Variants in KCNQ3 observed in about 807,000 individuals in gnomAD.
KCNQ3 encodes potassium voltage-gated channel subfamily Q member 3, also known as potassium voltage-gated channel subfamily KQT member 3.
KCNQ3 carries 30 observed loss-of-function variants against 92.5 expected under a neutral mutation model. The ratio of observed to expected loss-of-function variants is 0.32; its 90% confidence interval spans 0.24 to 0.44. The LOEUF (loss-of-function observed/expected upper bound fraction) is 0.44, where lower values mean the gene tolerates loss of function less well. KCNQ3 is among the 20% of genes least tolerant of loss of function. KCNQ3 has a pLI of 1.00. For synonymous variants in KCNQ3, 450 were observed against 468.8 expected, an observed-to-expected ratio of 0.96 and a Z score of 0.52; for missense variants, 913 against 1,140.3, an observed-to-expected ratio of 0.80 and a Z score of 2.87.
In KCNQ3 at chr8:132,182,236, C is replaced by T. The variant is rs76105121; in HGVS notation, c.605-1907G>A. Among the ~76,000 whole-genome samples the T allele has an allele frequency of 3.1e-3, 474 of 152,272 alleles. 12 individuals carry two copies. The East Asian group carries it at 0.044, about 14-fold the overall frequency. ...TGTGCAAACCTATCTATCTGTAATGCTTGCAGAGAAAACAAAAGAACACCA... is the reference window on the plus strand; with the variant it reads ...TGTGCAAACCTATCTATCTGTAATGTTTGCAGAGAAAACAAAAGAACACCA... On this transcript the variant is annotated intron_variant, in intron 3 of 14. Transcript: ENST00000388996.
intron 13 of KCNQ3, among the ~76,000 whole-genome samples, chr8:132,132,731 T>G: frequency 6.6e-6 from 1 of 152,198 alleles, no homozygotes; most frequent in East Asian, 1.9e-4. Flanking sequence ...TTAATAAGAA[T>G]GAAGAATCCC....
intron 8 of KCNQ3, among the ~76,000 whole-genome samples, 198 bp downstream of exon 8, chr8:132,170,136 G>A (rs572000003): frequency 7.2e-5 from 11 of 152,278 alleles, no homozygotes; most frequent in African/African-American, 2.6e-4. Context: ...GCCTCCCAAA[G>A]TGCTGGGATT....
chr8:132,348,372 G>A (rs1195996792), intron 1 of KCNQ3, among the ~76,000 whole-genome samples: 3 of 152,098 alleles, frequency 2.0e-5, no homozygotes, highest in Non-Finnish European at 4.4e-5. Context: ...TTTTTCATGG[G>A]TGAAATAAAT....
chr8:132,406,816 T>A (rs1820496229), intron 1 of KCNQ3, among the ~76,000 whole-genome samples: 1 of 152,178 alleles, frequency 6.6e-6, no homozygotes. Context: ...TTTTAGGTAT[T>A]AGGCCAAGGG....
At chr8:132,234,507 G>A (rs556953485) in intron 1 of KCNQ3, among the ~76,000 whole-genome samples, 38 of 151,956 alleles carry the variant, frequency 2.5e-4, no homozygotes, top group Admixed American at 1.8e-3. Context: ...GAGGCAGGGG[G>A]CAGAGAGGAA....
At chr8:132,229,400 T>C (rs1814555360) in intron 1 of KCNQ3, among the ~76,000 whole-genome samples, 1 of 151,996 alleles carries the variant, frequency 6.6e-6, no homozygotes, top group Non-Finnish European at 1.5e-5. Context: ...CAACTCAAAA[T>C]ATACTGAGGA....
chr8:132,184,321 A>T lies in KCNQ3; in HGVS notation c.524T>A (p.Ile175Asn). 6.2e-7 allele frequency: 1 copy of T among 1,614,166 alleles called. No homozygotes were observed. Among genetic ancestry groups the T allele is most frequent in the Non-Finnish European group, 8.5e-7 (1 of 1,180,036 alleles). Residue 175 changes from isoleucine (I) to asparagine (N), a missense_variant, in exon 3 of 15, where the codon ATC becomes AAC. Physicochemically the swap from Ile to Asn is moderately radical, Grantham distance 149. Transcript: ENST00000388996. Reference sequence around the variant, plus strand: ...TCGGCAGCAACATCCAGCAGCCCAGATCCTCAAAGCAAACTCGGCTCCAAA... The same window carrying T: ...TCGGCAGCAACATCCAGCAGCCCAGTTCCTCAAAGCAAACTCGGCTCCAAA... ...FIFGAEFALR[I>N]WAAGCCCRYK...
chr8:132,253,863 T>A (rs571679861), intron 1 of KCNQ3, among the ~76,000 whole-genome samples: 1 of 152,346 alleles, frequency 6.6e-6, no homozygotes. Flanking sequence ...AAAAATTTAC[T>A]GTAGAAGAAA....
At chr8:132,392,546 T>G (rs780889478) in intron 1 of KCNQ3, among the ~76,000 whole-genome samples, 14 of 151,874 alleles carry the variant, frequency 9.2e-5, no homozygotes, top group Non-Finnish European at 1.5e-4. Context: ...AACTCTATAT[T>G]CAAACCTCAC....
chr8:132,439,372 C>T (rs1443266237), intron 1 of KCNQ3, among the ~76,000 whole-genome samples: 1 of 152,074 alleles, frequency 6.6e-6, no homozygotes, highest in Non-Finnish European at 1.5e-5. Flanking sequence ...AGTTAGGCAG[C>T]AGGACCGCGG....
At chr8:132,293,236 G>A (rs566852102) in intron 1 of KCNQ3, among the ~76,000 whole-genome samples, 3 of 152,144 alleles carry the variant, frequency 2.0e-5, no homozygotes, top group East Asian at 1.9e-4. Flanking sequence ...CAAATCAATC[G>A]AACTCAAAGA....
intron 1 of KCNQ3, among the ~76,000 whole-genome samples, chr8:132,209,452 G>T (rs1445950995): frequency 6.6e-6 from 1 of 152,038 alleles, no homozygotes; most frequent in Non-Finnish European, 1.5e-5. Context: ...GGAAAATTGT[G>T]CCTGCTCTGG....
At chr8:132,289,503 G>A (rs1816781060) in intron 1 of KCNQ3, among the ~76,000 whole-genome samples, 1 of 152,104 alleles carries the variant, frequency 6.6e-6, no homozygotes. Flanking sequence ...TCCAAACTCT[G>A]CACTGTTTTC....
intron 1 of KCNQ3, among the ~76,000 whole-genome samples, chr8:132,346,440 G>A (rs931799521): frequency 1.3e-5 from 2 of 152,132 alleles, no homozygotes; most frequent in South Asian, 2.1e-4. Context: ...TCCAAAGGTC[G>A]GGATGACTCA....
In KCNQ3 at chr8:132,122,159, T is replaced by C. The variant is rs1042119080; in HGVS notation, c.*7103A>G. On this transcript the variant is annotated 3_prime_UTR_variant, in exon 15 of 15. Coordinates refer to ENST00000388996, the MANE Select transcript of KCNQ3 (RefSeq NM_004519.4). ...GCTTTGGTTGAATATGCAGCTCTAC[T>C]TCTTACAATGTGTGACCTTTGACAA... 2.0e-5 allele frequency: 3 copies of C among 152,224 alleles called. No homozygotes were observed. The highest frequency in any genetic ancestry group is 7.2e-5 in the African/African-American group (3 of 41,458). The allele number at this position is 152,224 out of a possible 1,614,324, so 9.4% of individuals were successfully genotyped here. A position where few individuals can be genotyped will look rare whatever the true frequency, so the allele number is the denominator to read the frequency against.
intron 1 of KCNQ3, among the ~76,000 whole-genome samples, chr8:132,196,662 C>G (rs1264393792): frequency 6.6e-6 from 1 of 152,204 alleles, no homozygotes; most frequent in East Asian, 1.9e-4. Flanking sequence ...CTTTCCTCTC[C>G]TCAGATTTCA....
intron 1 of KCNQ3, among the ~76,000 whole-genome samples, chr8:132,376,294 C>T (rs1038495518): frequency 4.6e-5 from 7 of 151,356 alleles, no homozygotes; most frequent in African/African-American, 9.8e-5. Flanking sequence ...GTTAAATTGA[C>T]GGCCTATCTT....
intron 1 of KCNQ3, among the ~76,000 whole-genome samples, chr8:132,392,289 A>G (rs1248027899): frequency 6.6e-6 from 1 of 151,916 alleles, no homozygotes; most frequent in Admixed American, 6.6e-5. Flanking sequence ...TCTAGAGGAG[A>G]ATTTACCATT....
chr8:132,248,534 C>T (rs1284019818), intron 1 of KCNQ3, among the ~76,000 whole-genome samples: 1 of 152,116 alleles, frequency 6.6e-6, no homozygotes, highest in Non-Finnish European at 1.5e-5. Context: ...TCTGAATTTC[C>T]CAATTTAACA....
Sources: gnomAD v4.1 joint callset for allele counts (sites outside exome capture counted in the v4.1 genomes callset) on GRCh38, gnomAD v4.1.1 for gene constraint, MANE v1.5 for transcripts, NCBI Gene and HGNC (gene_info 2026-07-23, HGNC 2026-07-21) for gene names.